The following WSCD2 variants were observed in gnomAD, a reference collection of about 807,000 sequenced individuals.
WSCD2 encodes the protein WSC domain sialate O sulfotransferase 2.
A neutral mutation model predicts 55.7 loss-of-function variants in WSCD2; 28 were observed. The ratio of observed to expected loss-of-function variants is 0.50; its 90% confidence interval spans 0.37 to 0.69. WSCD2 has a LOEUF of 0.69. WSCD2 is among the 30% of genes least tolerant of loss of function. The pLI, the probability that WSCD2 is intolerant of heterozygous loss-of-function variation, is 0.00. For synonymous variants in WSCD2, 301 were observed against 301.9 expected (o/e 1.00, Z 0.03); for missense variants, 616 against 762.1 (o/e 0.81, Z 2.26).
intron 8 of WSCD2, among the ~76,000 whole-genome samples, chr12:108,243,431 G>T (rs1889895021): frequency 6.6e-6 from 1 of 152,104 alleles, no homozygotes; most frequent in Non-Finnish European, 1.5e-5. Context: ...TAGAGACAGG[G>T]TTTCACCGTG....
At position 108,206,383 on chromosome 12, in the gene WSCD2, C is replaced by T; in HGVS notation, c.477C>T (p.Cys159=). The T allele has an allele frequency of 6.2e-7, 1 of 1,614,232 alleles. No individual in the cohort carries two copies. The highest frequency in any genetic ancestry group is 1.6e-4 in the Middle Eastern group (1 of 6,062). Residue 159 remains cysteine (C), a synonymous_variant, in exon 3 of 9, where the codon TGC becomes TGT. Transcript: ENST00000547525. ...ACAAAAAGATGACCATCTTCCGTTGCCAGGACAACTGTGCTGAACGGTAGG... is the reference window on the plus strand; with the variant it reads ...ACAAAAAGATGACCATCTTCCGTTGTCAGGACAACTGTGCTGAACGGTAGG... The part of the protein sequence containing the change: ...FDYKKMTIFR[C]QDNCAERGYL...
At chr12:108,137,962 T>C (rs886122727) in intron 1 of WSCD2, among the ~76,000 whole-genome samples, 4 of 152,220 alleles carry the variant, frequency 2.6e-5, no homozygotes, top group African/African-American at 9.6e-5. Flanking sequence ...TCTTAGCCAC[T>C]TAACAGCAGC....
rs140912155 is a variant in WSCD2, at chr12:108,208,178, G to C, written c.497+1775G>C. On this transcript the variant is annotated intron_variant, in intron 3 of 8. Transcript: ENST00000547525. ...GAGCCATCCACAGCCCTGTCCTCAG[G>C]GGGGCTTCCCATCTGGTTGGGGAGA... Among the ~76,000 whole-genome samples, 9 of 152,342 alleles carry C rather than the reference G, an allele frequency of 5.9e-5. No individual in the cohort carries two copies. In the East Asian group the frequency reaches 1.4e-3, roughly 23 times the overall value.
chr12:108,247,368 A>G (rs1057084750), intron 8 of WSCD2, among the ~76,000 whole-genome samples: 8 of 151,508 alleles, frequency 5.3e-5, no homozygotes, highest in Admixed American at 1.3e-4. Context: ...AATATGTTGT[A>G]TATTATATTA....
chr12:108,179,670 C>T (rs1881409883), intron 1 of WSCD2, among the ~76,000 whole-genome samples: 1 of 152,192 alleles, frequency 6.6e-6, no homozygotes, highest in Non-Finnish European at 1.5e-5. Context: ...CCAAGGAGTG[C>T]ATGTTGCCTC....
intron 4 of WSCD2, among the ~76,000 whole-genome samples, chr12:108,222,308 A>G (rs1015963747): frequency 6.6e-6 from 1 of 152,224 alleles, no homozygotes; most frequent in African/African-American, 2.4e-5. Context: ...ATGAGGCTCA[A>G]TAAGTTTTTG....
chr12:108,224,805 C>A lies in WSCD2; in HGVS notation c.749C>A (p.Thr250Lys). Residue 250 changes from threonine to lysine, a missense_variant, in exon 5 of 9, where the codon ACA (threonine) becomes AAA (lysine). Physicochemically the swap from Thr to Lys is moderately conservative, Grantham distance 78. Coordinates refer to ENST00000547525, the MANE Select transcript of WSCD2 (RefSeq NM_014653.4). ...AACCTTTCCCTGGCCTTACCCGTGA[C>A]AGCTGCCATGCTGAACATGTCTGTG... ...PDNLSLALPV[T>K]AAMLNMSVDK... is the part of the protein sequence containing the mutation. 6.2e-7 allele frequency: 1 copy of A among 1,613,786 alleles called. No homozygotes were observed.
intron 8 of WSCD2, among the ~76,000 whole-genome samples, chr12:108,245,663 T>C (rs1461521243): frequency 6.6e-6 from 1 of 152,200 alleles, no homozygotes; most frequent in Non-Finnish European, 1.5e-5. Flanking sequence ...GCATCTCCCC[T>C]GAGAGTAGCA....
At chr12:108,139,442 A>G (rs572053853) in intron 1 of WSCD2, among the ~76,000 whole-genome samples, 2 of 152,310 alleles carry the variant, frequency 1.3e-5, no homozygotes, top group African/African-American at 4.8e-5. Flanking sequence ...GCTCAGGTTC[A>G]GGTGGGGAGG....
intron 1 of WSCD2, among the ~76,000 whole-genome samples, chr12:108,151,997 C>T (rs1036042362): frequency 6.6e-6 from 1 of 152,220 alleles, no homozygotes; most frequent in East Asian, 1.9e-4. Flanking sequence ...CATCGATCTC[C>T]TTCCAAGGGC....
intron 8 of WSCD2, among the ~76,000 whole-genome samples, chr12:108,243,364 A>G (rs1889889878): frequency 6.6e-6 from 1 of 152,126 alleles, no homozygotes; most frequent in South Asian, 2.1e-4. Context: ...CAGCCTCCCA[A>G]GTAGCTGGGA....
intron 1 of WSCD2, among the ~76,000 whole-genome samples, chr12:108,176,034 T>A (rs998720281): frequency 7.2e-5 from 11 of 152,054 alleles, no homozygotes; most frequent in African/African-American, 2.7e-4. Context: ...AGAGTTGGGG[T>A]TTCACCGTGT....
At chr12:108,185,498 C>A (rs971380781) in intron 1 of WSCD2, among the ~76,000 whole-genome samples, 4 of 152,138 alleles carry the variant, frequency 2.6e-5, no homozygotes, top group Non-Finnish European at 4.4e-5. Flanking sequence ...TTGGGAACCA[C>A]CCTACCACAC....
chr12:108,242,181 C>T (rs1017717057), intron 8 of WSCD2, among the ~76,000 whole-genome samples: 1 of 152,216 alleles, frequency 6.6e-6, no homozygotes, highest in Non-Finnish European at 1.5e-5. Context: ...ACCCATAACA[C>T]CCTCAACACT....
intron 3 of WSCD2, among the ~76,000 whole-genome samples, chr12:108,208,238 A>G (rs972234923): frequency 1.3e-5 from 2 of 150,216 alleles, no homozygotes; most frequent in African/African-American, 2.5e-5. Context: ...GCAATAGAAT[A>G]ACAACAGTTT....
chr12:108,178,462 G>A (rs931109262), intron 1 of WSCD2, among the ~76,000 whole-genome samples: 1 of 152,158 alleles, frequency 6.6e-6, no homozygotes, highest in Admixed American at 6.5e-5. Flanking sequence ...ATCATGACAC[G>A]ATTGTTCCTT....
chr12:108,166,298 C>G lies in WSCD2; in HGVS notation c.-551-28984C>G, dbSNP rs1027339347. Among the ~76,000 whole-genome samples the G allele has an allele frequency of 7.2e-5, 11 of 152,314 alleles. No individual in the cohort carries two copies. The East Asian group carries it at 7.7e-4, about 11-fold the overall frequency. On this transcript the variant is annotated intron_variant, in intron 1 of 8. Coordinates refer to ENST00000547525, the MANE Select transcript of WSCD2 (RefSeq NM_014653.4). ...TGAATGAAGAACTCAGTAAATGACT[C>G]TGCTCTTGGTATTTTTGTGATAGGG...
At chr12:108,171,282 C>T (rs1322764621) in intron 1 of WSCD2, among the ~76,000 whole-genome samples, 1 of 152,042 alleles carries the variant, frequency 6.6e-6, no homozygotes, top group Non-Finnish European at 1.5e-5. Context: ...TGTAGGGGAA[C>T]AGGGCACAGG....
chr12:108,208,712 C>A (rs1294896104), intron 3 of WSCD2, among the ~76,000 whole-genome samples: 1 of 152,140 alleles, frequency 6.6e-6, no homozygotes, highest in East Asian at 1.9e-4. Flanking sequence ...GACTTGAAAG[C>A]TAACTAAAGC....
Sources: allele counts gnomAD v4.1 joint callset (sites outside exome capture counted in the v4.1 genomes callset), GRCh38; gene constraint gnomAD v4.1.1; transcripts MANE v1.5; gene names NCBI Gene and HGNC (gene_info 2026-07-23, HGNC 2026-07-21).